MED21: variants seen among roughly 807,000 people sequenced by gnomAD.
MED21 encodes the protein mediator complex subunit 21, also known as mediator of RNA polymerase II transcription subunit 21.
A neutral mutation model predicts 18.2 loss-of-function variants in MED21; 9 were observed. That is an observed-to-expected ratio of 0.49 (90% CI 0.30 to 0.86). The LOEUF (loss-of-function observed/expected upper bound fraction) is 0.86. Among genes scored for constraint, MED21 ranks in the 40% least tolerant of loss-of-function variants. The probability of loss-of-function intolerance (pLI) is 0.07; values close to 1 mark genes in which losing one functional copy is unlikely to be tolerated. For missense variants in MED21, 150 were observed against 170.9 expected (o/e 0.88, Z 0.68); for synonymous variants, 73 against 60.5 (o/e 1.21, Z -0.96).
rs1744315059 is a variant in MED21 at position 27,025,595 on chromosome 12, A to C, written c.43-825A>C. ...GTAGTATTAGCAGAATATGAAGATC[A>C]AAGGAAAGTAAGAATCTGAAGTTAG... On this transcript the variant is annotated intron_variant, in intron 1 of 3. Coordinates refer to ENST00000282892, the MANE Select transcript of MED21 (RefSeq NM_004264.5). 3.9e-5 allele frequency among the ~76,000 whole-genome samples: 6 copies of C among 152,338 alleles called. No homozygotes were observed. The South Asian group carries it at 1.2e-3, about 32-fold the overall frequency.
chr12:27,033,622 T>C (rs1344164283), downstream of MED21, among the ~76,000 whole-genome samples: 17 of 152,034 alleles, frequency 1.1e-4, no homozygotes, highest in Non-Finnish European at 4.4e-5. Context: ...AGGGGTAAGG[T>C]TGGGGCAAAA....
chr12:27,027,552 A>G, intron 3 of MED21, 105 bp downstream of exon 3: 2 of 741,796 alleles, frequency 2.7e-6, no homozygotes, highest in South Asian at 1.7e-5. Context: ...TGCTATAACA[A>G]CATACCTGAG....
At chr12:27,038,363 C>T (rs1227012226) in intron 2 of MED21, 5 of 149,800 alleles carry the variant, frequency 3.3e-5, no homozygotes, top group African/African-American at 7.4e-5. Flanking sequence ...TCTAGGGATG[C>T]GTATAACAAA....
At chr12:27,025,752 G>A (rs1259237876) in intron 1 of MED21, among the ~76,000 whole-genome samples, 3 of 152,120 alleles carry the variant, frequency 2.0e-5, no homozygotes, top group Non-Finnish European at 4.4e-5. Context: ...AGGTTTGAGA[G>A]GTCAAGACTA....
downstream of MED21, among the ~76,000 whole-genome samples, chr12:27,031,365 G>A (rs992516992): frequency 6.6e-6 from 1 of 152,136 alleles, no homozygotes; most frequent in African/African-American, 2.4e-5. Context: ...TAGGATGTGA[G>A]TGAGTAAGTT....
rs1190032275 is a variant in MED21 at position 27,030,171 on chromosome 12, C to A, written c.*1710C>A. The A allele has an allele frequency of 3.1e-6, 2 of 648,734 alleles. No individual in the cohort carries two copies. Among genetic ancestry groups the A allele is most frequent in the Admixed American group, 4.3e-5 (2 of 46,800 alleles). The allele number at this position is 648,734 out of a possible 1,614,324, so 40.2% of individuals were successfully genotyped here. A position where few individuals can be genotyped will look rare whatever the true frequency, so the allele number is the denominator to read the frequency against. ...TGTTTTTTTAAGGTGAAGTCTCTGT[C>A]ACCCAAGCTGAAGTGCAGTTCTGTG... On this transcript the variant is annotated 3_prime_UTR_variant, in exon 4 of 4. Transcript: ENST00000282892.
chr12:27,031,995 CCTT>C (rs1360249080), downstream of MED21, among the ~76,000 whole-genome samples: 17 of 152,128 alleles, frequency 1.1e-4, no homozygotes, highest in African/African-American at 4.1e-4. Flanking sequence ...TCAGCAATGA[CCTT>C]ACTGCCTGGT....
In MED21 at chr12:27,028,493, A is replaced by G. The variant is rs762896533; in HGVS notation, c.*32A>G. 6.3e-7 allele frequency: 1 copy of G among 1,593,668 alleles called. No homozygotes were observed. Among genetic ancestry groups the G allele is most frequent in the Non-Finnish European group, 8.6e-7 (1 of 1,167,178 alleles). Reference sequence around the variant, plus strand: ...TGGATACCATGTGGCTGAGAAAAGAACTGTTTGAGTGCCATTAAGAATTCT... The same window carrying G: ...TGGATACCATGTGGCTGAGAAAAGAGCTGTTTGAGTGCCATTAAGAATTCT... On this transcript the variant is annotated 3_prime_UTR_variant, in exon 4 of 4. Coordinates refer to ENST00000282892, the MANE Select transcript of MED21 (RefSeq NM_004264.5).
chr12:27,028,551 T>C lies in MED21; in HGVS notation c.*90T>C, dbSNP rs1028996583. The C allele has an allele frequency of 6.8e-7, 1 of 1,478,580 alleles. No homozygotes were observed. The highest frequency in any genetic ancestry group is 2.2e-5 in the Admixed American group (1 of 44,484). 91.6% of individuals were successfully genotyped at this position (1,478,580 alleles called of 1,614,324 possible). A position where few individuals can be genotyped will look rare whatever the true frequency, so the allele number is the denominator to read the frequency against. On this transcript the variant is annotated 3_prime_UTR_variant, in exon 4 of 4. Transcript: ENST00000282892. ...ACTTAGATACAAGCCTTACCAACAA[T>C]TACAGAAACATTAAACACTATGACA...
downstream of MED21, among the ~76,000 whole-genome samples, chr12:27,035,657 G>C (rs1289826984): frequency 2.2e-5 from 3 of 138,666 alleles, no homozygotes; most frequent in African/African-American, 8.2e-5. Context: ...TCTCACTGTT[G>C]AATTCCCATC....
At chr12:27,032,316 G>T (rs1941625107), downstream of MED21, among the ~76,000 whole-genome samples, 1 of 152,166 alleles carries the variant, frequency 6.6e-6, no homozygotes, top group South Asian at 2.1e-4. Context: ...TAACCAGTGA[G>T]GTGGGGAGAT....
intron 1 of MED21, among the ~76,000 whole-genome samples, chr12:27,023,786 T>C (rs1941507996): frequency 6.6e-6 from 1 of 151,696 alleles, no homozygotes; most frequent in Admixed American, 6.6e-5. Context: ...GAGAAATGCA[T>C]GGTTTTGGCG....
In MED21 at chr12:27,028,867, G is replaced by A; in HGVS notation, c.*406G>A. 1.0e-6 allele frequency: 1 copy of A among 986,986 alleles called. No individual in the cohort carries two copies. Among genetic ancestry groups the A allele is most frequent in the African/African-American group, 1.7e-5 (1 of 57,382 alleles). 61.1% of individuals were successfully genotyped at this position (986,986 alleles called of 1,614,324 possible). A position where few individuals can be genotyped will look rare whatever the true frequency, so the allele number is the denominator to read the frequency against. ...CAGACATAAGGGACATTTTAGTTTG[G>A]GCTAGTGTCCTGCCTCTTAGAGGTG... is the stretch of plus-strand genomic sequence containing the variant. On this transcript the variant is annotated 3_prime_UTR_variant, in exon 4 of 4. Transcript: ENST00000282892.
Position 27,028,491 on chromosome 12 carries a change from G to T in MED21, c.*30G>T, listed in dbSNP as rs775159262. 20 of 1,594,720 alleles carry T rather than the reference G, an allele frequency of 1.3e-5. No individual in the cohort carries two copies. The East Asian group carries it at 4.5e-4, about 36-fold the overall frequency. ...AGTGGATACCATGTGGCTGAGAAAA[G>T]AACTGTTTGAGTGCCATTAAGAATT... On this transcript the variant is annotated 3_prime_UTR_variant, in exon 4 of 4. Coordinates refer to ENST00000282892, the MANE Select transcript of MED21 (RefSeq NM_004264.5).
At chr12:27,035,146 C>T (rs553650809), downstream of MED21, among the ~76,000 whole-genome samples, 8 of 152,222 alleles carry the variant, frequency 5.3e-5, no homozygotes, top group South Asian at 1.0e-3. Flanking sequence ...GTACAGGCTG[C>T]GGTGAGCCAT....
At position 27,027,312 on chromosome 12, in the gene MED21, T is replaced by G. The variant is rs760184776; in HGVS notation, c.158-35T>G. The G allele has an allele frequency of 2.0e-6, 3 of 1,481,156 alleles. No homozygotes were observed. The East Asian group carries it at 6.8e-5, about 34-fold the overall frequency. 91.8% of individuals were successfully genotyped at this position (1,481,156 alleles called of 1,614,324 possible). A position where few individuals can be genotyped will look rare whatever the true frequency, so the allele number is the denominator to read the frequency against. ...AATTTGTTTCTGAAAACTTGAGGTT[T>G]TCTAATATCCTAATCTAGCAGTATC... On this transcript the variant is annotated intron_variant, in intron 2 of 3. Transcript: ENST00000282892.
chr12:27,034,811 C>T (rs986115998), downstream of MED21, among the ~76,000 whole-genome samples: 3 of 152,082 alleles, frequency 2.0e-5, no homozygotes, highest in Non-Finnish European at 4.4e-5. Context: ...AGTGCGGTGG[C>T]GTGATCTCGG....
downstream of MED21, among the ~76,000 whole-genome samples, chr12:27,032,157 A>C (rs1941624146): frequency 6.6e-6 from 1 of 152,144 alleles, no homozygotes; most frequent in African/African-American, 2.4e-5. Flanking sequence ...CACAGACTCT[A>C]CGCCCCTGTT....
chr12:27,023,720 A>G (rs1941507291), intron 1 of MED21, among the ~76,000 whole-genome samples: 1 of 152,198 alleles, frequency 6.6e-6, no homozygotes, highest in Admixed American at 6.5e-5. Context: ...AGTGGAAAGT[A>G]GAAGCAAAGC....
Sources: allele counts gnomAD v4.1 joint callset (sites outside exome capture counted in the v4.1 genomes callset), GRCh38; gene constraint gnomAD v4.1.1; transcripts MANE v1.5; gene names NCBI Gene and HGNC (gene_info 2026-07-23, HGNC 2026-07-21).